The following RBFOX1 variants were observed in gnomAD, a reference collection of about 807,000 sequenced individuals.
RBFOX1 encodes RNA binding fox-1 homolog 1.
RBFOX1 carries 8 observed loss-of-function variants against 57.7 expected under a neutral mutation model. That is an observed-to-expected ratio of 0.14 (90% CI 0.08 to 0.25). The LOEUF (loss-of-function observed/expected upper bound fraction) is 0.25, where lower values mean the gene tolerates loss of function less well. Ranked by LOEUF, RBFOX1 falls within the 10% of genes least tolerant of loss-of-function variation. The probability of loss-of-function intolerance (pLI) is 1.00; values close to 1 mark genes in which losing one functional copy is unlikely to be tolerated. For missense variants in RBFOX1, 611 were observed against 548.5 expected (o/e 1.11, Z -1.14); for synonymous variants, 326 against 222.4 (o/e 1.47, Z -4.15).
intron 1 of RBFOX1, among the ~76,000 whole-genome samples, chr16:6,188,243 C>G (rs1264436630): frequency 1.3e-5 from 2 of 151,940 alleles, no homozygotes; most frequent in African/African-American, 4.8e-5. Context: ...TTACGTCTAC[C>G]CACACATTAA....
intron 1 of RBFOX1, among the ~76,000 whole-genome samples, chr16:6,208,152 A>G (rs958896301): frequency 9.2e-5 from 14 of 152,154 alleles, no homozygotes; most frequent in Middle Eastern, 3.4e-3. Context: ...ATAATTATAT[A>G]TGTTATGTTT....
chr16:6,958,365 C>A lies in RBFOX1; in HGVS notation c.-15-93692C>A, dbSNP rs151221647. 9.3e-3 allele frequency among the ~76,000 whole-genome samples: 1,422 copies of A among 152,228 alleles called. 30 individuals are homozygous for A. The highest frequency in any genetic ancestry group is 0.033 in the African/African-American group (1,360 of 41,498). ...CCTCAAGTAGCATTTTTATCACCCA[C>A]CATTAGAAAAGAGATGGAGTCAGCA... On this transcript the variant is annotated intron_variant, in intron 3 of 15. Transcript: ENST00000550418.
At chr16:7,222,573 A>G (rs1163671371) in intron 4 of RBFOX1, among the ~76,000 whole-genome samples, 2 of 152,212 alleles carry the variant, frequency 1.3e-5, no homozygotes, top group Non-Finnish European at 2.9e-5. Flanking sequence ...GTGTCTGGGC[A>G]CTGGCTGTTG....
At chr16:5,888,740 G>A (rs1054747328) in intron 4 of RBFOX1, among the ~76,000 whole-genome samples, 1 of 150,140 alleles carries the variant, frequency 6.7e-6, no homozygotes, top group Non-Finnish European at 1.5e-5. Context: ...AGGTTGCGGT[G>A]AGGTTGCGAT....
chr16:7,084,932 A>G (rs1014220829), intron 4 of RBFOX1, among the ~76,000 whole-genome samples: 18 of 151,970 alleles, frequency 1.2e-4, no homozygotes, highest in African/African-American at 4.4e-4. Flanking sequence ...CCATTTGTCC[A>G]TCCATGCATC....
intron 3 of RBFOX1, among the ~76,000 whole-genome samples, chr16:6,979,172 A>G (rs963021778): frequency 6.6e-6 from 1 of 152,228 alleles, no homozygotes; most frequent in Non-Finnish European, 1.5e-5. Flanking sequence ...TGTTGATAGT[A>G]TTCAGGAAGT....
rs8046030 is a variant in RBFOX1, at chr16:7,055,748, A to G, written c.27+3650A>G. ...TGTTACCTGCACAAAAGTAGGATTT[A>G]CTTAAACTGGAGGAAGCAGAAAATG... On this transcript the variant is annotated intron_variant, in intron 4 of 15. Transcript: ENST00000550418. 6.6e-3 allele frequency among the ~76,000 whole-genome samples: 1,005 copies of G among 152,302 alleles called. 12 individuals are homozygous for G. Among genetic ancestry groups the G allele is most frequent in the African/African-American group, 0.023 (950 of 41,562 alleles).
At chr16:6,927,267 G>A (rs1031397106) in intron 3 of RBFOX1, among the ~76,000 whole-genome samples, 1 of 151,458 alleles carries the variant, frequency 6.6e-6, no homozygotes, top group African/African-American at 2.4e-5. Context: ...AGAGAAATTT[G>A]CCAGGTGTGG....
rs374132534 is a variant in RBFOX1, at chr16:6,835,434, C to G, written c.-16+180784C>G. Reference sequence around the variant, plus strand: ...TTCAGAATCACATTAACTTCCAAATCTCAGTGCCTTAACACAATTTAAGTT... The same window carrying G: ...TTCAGAATCACATTAACTTCCAAATGTCAGTGCCTTAACACAATTTAAGTT... On this transcript the variant is annotated intron_variant, in intron 3 of 15. Coordinates refer to ENST00000550418, the MANE Select transcript of RBFOX1 (RefSeq NM_018723.4). 4.6e-5 allele frequency among the ~76,000 whole-genome samples: 7 copies of G among 152,204 alleles called. 1 individual carries two copies. Among genetic ancestry groups the G allele is most frequent in the African/African-American group, 1.7e-4 (7 of 41,536 alleles).
intron 3 of RBFOX1, among the ~76,000 whole-genome samples, chr16:6,785,032 A>G (rs894580447): frequency 9.9e-5 from 15 of 152,144 alleles, no homozygotes; most frequent in Non-Finnish European, 2.1e-4. Flanking sequence ...TCTGAGTGAA[A>G]AAAAATAGGC....
intron 2 of RBFOX1, among the ~76,000 whole-genome samples, chr16:6,344,680 A>T (rs577448660): frequency 7.6e-6 from 1 of 131,712 alleles, no homozygotes; most frequent in African/African-American, 2.9e-5. Flanking sequence ...TACAGGCGTG[A>T]GCCACCGAGC....
intron 1 of RBFOX1, among the ~76,000 whole-genome samples, chr16:5,288,600 T>G (rs1210606655): frequency 6.6e-6 from 1 of 150,742 alleles, no homozygotes; most frequent in African/African-American, 2.4e-5. Flanking sequence ...GTATTGGATA[T>G]GGCAGCCCCA....
At chr16:7,569,768 C>A (rs747523776) in intron 5 of RBFOX1, among the ~76,000 whole-genome samples, 1 of 152,026 alleles carries the variant, frequency 6.6e-6, no homozygotes, top group Non-Finnish European at 1.5e-5. Context: ...TTTTGGAGAC[C>A]AAGGCAGAAG....
intron 7 of RBFOX1, among the ~76,000 whole-genome samples, chr16:7,590,366 G>A (rs1391555654): frequency 1.3e-5 from 2 of 151,814 alleles, no homozygotes; most frequent in Non-Finnish European, 2.9e-5. Context: ...AGTATTTAAT[G>A]TATGGGTGAA....
At chr16:5,970,893 T>A (rs1213241851) in intron 4 of RBFOX1, among the ~76,000 whole-genome samples, 1 of 152,226 alleles carries the variant, frequency 6.6e-6, no homozygotes, top group East Asian at 1.9e-4. Flanking sequence ...TCAAGTAAAG[T>A]GACTGTTGTC....
At chr16:7,262,193 G>C (rs548008303) in intron 4 of RBFOX1, among the ~76,000 whole-genome samples, 1 of 152,086 alleles carries the variant, frequency 6.6e-6, no homozygotes, top group East Asian at 1.9e-4. Flanking sequence ...TTGAAATTTA[G>C]GAAATGAGTT....
intron 1 of RBFOX1, among the ~76,000 whole-genome samples, chr16:5,290,077 G>A (rs1410224430): frequency 1.3e-5 from 2 of 152,164 alleles, no homozygotes; most frequent in East Asian, 1.9e-4. Context: ...GCTACAACAC[G>A]GATGAACCAT....
At chr16:5,874,545 G>A (rs1168759688) in intron 4 of RBFOX1, among the ~76,000 whole-genome samples, 1 of 152,116 alleles carries the variant, frequency 6.6e-6, no homozygotes, top group South Asian at 2.1e-4. Flanking sequence ...AAGATGGAGA[G>A]TAAATGTGGA....
intron 4 of RBFOX1, among the ~76,000 whole-genome samples, chr16:7,210,814 C>G (rs1028127115): frequency 6.6e-6 from 1 of 151,862 alleles, no homozygotes; most frequent in African/African-American, 2.4e-5. Flanking sequence ...GTGAGCAAGT[C>G]TAGAGATCCA....
Sources: gnomAD v4.1 joint callset for allele counts (sites outside exome capture counted in the v4.1 genomes callset) on GRCh38, gnomAD v4.1.1 for gene constraint, MANE v1.5 for transcripts, NCBI Gene and HGNC (gene_info 2026-07-23, HGNC 2026-07-21) for gene names.